The following CSRNP3 variants were observed in gnomAD, a reference collection of about 807,000 sequenced individuals.
CSRNP3 encodes cysteine/serine-rich nuclear protein 3.
In CSRNP3, 12 loss-of-function variants were observed where a neutral mutation model predicts 48.0. The observed-to-expected ratio is 0.25, with a 90% CI of 0.16 to 0.41. The LOEUF is 0.41. CSRNP3 is among the 10% of genes least tolerant of loss of function. CSRNP3 has a pLI of 1.00. For missense variants in CSRNP3, 580 were observed against 724.4 expected (o/e 0.80, Z 2.29); for synonymous variants, 263 against 269.7 (o/e 0.98, Z 0.24).
At position 165,678,684 on chromosome 2, in the gene CSRNP3, G is replaced by A. The variant is rs1444367843; in HGVS notation, c.706-17G>A. ...TGTAATAGTTCCATGGTGCTAATCT[G>A]TGTTCTTCCTTCCAAGGTGGATCGT... On this transcript the variant is annotated splice_polypyrimidine_tract_variant and intron_variant, in intron 6 of 6. Coordinates refer to ENST00000651982, the MANE Select transcript of CSRNP3 (RefSeq NM_001172173.2). The A allele has an allele frequency of 6.2e-7, 1 of 1,608,444 alleles. No homozygotes were observed. Among genetic ancestry groups the A allele is most frequent in the Non-Finnish European group, 8.5e-7 (1 of 1,176,840 alleles).
At chr2:165,678,367 A>G (rs190380081) in intron 6 of CSRNP3, among the ~76,000 whole-genome samples, 259 of 152,278 alleles carry the variant, frequency 1.7e-3, no homozygotes, top group Non-Finnish European at 2.3e-3. Context: ...CATTCAAAAC[A>G]TGGGAGCAAA....
chr2:165,515,489 G>A (rs2105230288), intron 2 of CSRNP3, among the ~76,000 whole-genome samples: 1 of 151,574 alleles, frequency 6.6e-6, no homozygotes, highest in South Asian at 2.1e-4. Flanking sequence ...TTTAATAATG[G>A]GTAGTCAAAA....
At chr2:165,514,952 C>T (rs1684556910) in intron 2 of CSRNP3, among the ~76,000 whole-genome samples, 1 of 152,184 alleles carries the variant, frequency 6.6e-6, no homozygotes, top group Admixed American at 6.5e-5. Context: ...CCTTGACTTT[C>T]AAACAGGTTA....
At chr2:165,552,212 G>A (rs1443912559) in intron 3 of CSRNP3, among the ~76,000 whole-genome samples, 1 of 152,166 alleles carries the variant, frequency 6.6e-6, no homozygotes, top group Admixed American at 6.5e-5. Context: ...TAGTTTTTCT[G>A]CAAACATCTG....
chr2:165,629,235 A>G (rs143180073), intron 4 of CSRNP3, among the ~76,000 whole-genome samples: 94 of 152,288 alleles, frequency 6.2e-4, no homozygotes, highest in African/African-American at 2.2e-3. Flanking sequence ...CTCCACTTCC[A>G]CAGGCTCCCA....
intron 3 of CSRNP3, among the ~76,000 whole-genome samples, chr2:165,565,017 G>A (rs905632050): frequency 6.6e-6 from 1 of 151,986 alleles, no homozygotes; most frequent in African/African-American, 2.4e-5. Context: ...CACTGTGAGT[G>A]ACTGGGAAAC....
At chr2:165,473,663 T>A (rs1683921880) in intron 1 of CSRNP3, among the ~76,000 whole-genome samples, 1 of 152,122 alleles carries the variant, frequency 6.6e-6, no homozygotes, top group Non-Finnish European at 1.5e-5. Flanking sequence ...TTAATTATGA[T>A]TTGGTATGAA....
At chr2:165,499,371 A>C (rs753667199) in intron 2 of CSRNP3, among the ~76,000 whole-genome samples, 27 of 152,254 alleles carry the variant, frequency 1.8e-4, no homozygotes, top group South Asian at 4.1e-4. Context: ...ATTTGTGTGC[A>C]AGTGAATGCA....
intron 3 of CSRNP3, among the ~76,000 whole-genome samples, chr2:165,545,192 T>C (rs886424271): frequency 1.3e-5 from 2 of 152,146 alleles, no homozygotes; most frequent in African/African-American, 2.4e-5. Flanking sequence ...CTAATCTATA[T>C]GGTTTTATGA....
Position 165,592,426 on chromosome 2 carries a change from C to T in CSRNP3, c.-23-2617C>T, listed in dbSNP as rs569288032. 3.9e-5 allele frequency among the ~76,000 whole-genome samples: 6 copies of T among 152,118 alleles called. No homozygotes were observed. In the South Asian group the frequency reaches 6.2e-4, roughly 16 times the overall value. On this transcript the variant is annotated intron_variant, in intron 3 of 6. Coordinates refer to ENST00000651982, the MANE Select transcript of CSRNP3 (RefSeq NM_001172173.2). ...GAATGAGCCTAGACCTTAGGGGGGC[C>T]GTTGGAAAGCCATGATTGTGTTTTG...
At position 165,668,663 on chromosome 2, in the gene CSRNP3, G is replaced by T. The variant is rs532362149; in HGVS notation, c.409-7649G>T. Among the ~76,000 whole-genome samples, 8 of 152,156 alleles carry T rather than the reference G, an allele frequency of 5.3e-5. No individual in the cohort carries two copies. In the South Asian group the frequency reaches 1.7e-3, roughly 32 times the overall value. ...TATCTGCCTGCTTCAGCCTCCCAAA[G>T]TGCTGGGGTTACAGGTGTCAGCCAC... On this transcript the variant is annotated intron_variant, in intron 5 of 6. Transcript: ENST00000651982.
intron 5 of CSRNP3, among the ~76,000 whole-genome samples, chr2:165,668,576 A>G (rs1299811400): frequency 1.1e-4 from 16 of 151,322 alleles, no homozygotes; most frequent in Admixed American, 1.1e-3. Context: ...TAGTTTTTGT[A>G]TTTTTAGTAG....
At chr2:165,474,566 T>C (rs1683936157) in intron 1 of CSRNP3, among the ~76,000 whole-genome samples, 1 of 152,234 alleles carries the variant, frequency 6.6e-6, no homozygotes, top group African/African-American at 2.4e-5. Flanking sequence ...TCCTGGATTC[T>C]TCATTTTACC....
intron 1 of CSRNP3, among the ~76,000 whole-genome samples, chr2:165,477,498 A>ATATATATATATATATATAT (rs1394959197): frequency 8.9e-6 from 1 of 112,064 alleles, no homozygotes; most frequent in Non-Finnish European, 1.9e-5. Flanking sequence ...ATATATATAT[A>ATATATATATATATATATAT]ATACAAATAT....
intron 2 of CSRNP3, among the ~76,000 whole-genome samples, chr2:165,495,806 G>T (rs1460357551): frequency 1.3e-5 from 2 of 151,830 alleles, no homozygotes; most frequent in Non-Finnish European, 2.9e-5. Flanking sequence ...CAACATAAAA[G>T]AGTATCATTC....
At chr2:165,516,590 C>T (rs1684585492) in intron 2 of CSRNP3, among the ~76,000 whole-genome samples, 1 of 152,036 alleles carries the variant, frequency 6.6e-6, no homozygotes, top group African/African-American at 2.4e-5. Context: ...TGTTATCTGT[C>T]AATTTTTTAA....
intron 3 of CSRNP3, among the ~76,000 whole-genome samples, chr2:165,543,425 A>G (rs1339969510): frequency 6.6e-6 from 1 of 152,190 alleles, no homozygotes; most frequent in Admixed American, 6.6e-5. Context: ...ATATATTAAT[A>G]AGATTTGAAA....
At chr2:165,470,728 C>A (rs899029624) in intron 1 of CSRNP3, among the ~76,000 whole-genome samples, 1 of 151,904 alleles carries the variant, frequency 6.6e-6, no homozygotes, top group Non-Finnish European at 1.5e-5. Context: ...TCACTTAATT[C>A]TTTACTTTAA....
intron 5 of CSRNP3, 144 bp downstream of exon 5, chr2:165,658,164 A>T (rs1487885144): frequency 2.3e-6 from 2 of 888,638 alleles, no homozygotes. Context: ...AAGCAAAACG[A>T]TATAGTCTGT....
Sources: allele counts gnomAD v4.1 joint callset (sites outside exome capture counted in the v4.1 genomes callset), GRCh38; gene constraint gnomAD v4.1.1; transcripts MANE v1.5; gene names NCBI Gene and HGNC (gene_info 2026-07-23, HGNC 2026-07-21).